RPH3A: variants seen among roughly 807,000 people sequenced by gnomAD.
RPH3A encodes the protein rabphilin-3A.
RPH3A carries 48 observed loss-of-function variants against 102.2 expected under a neutral mutation model. That is an observed-to-expected ratio of 0.47 (90% CI 0.37 to 0.60). RPH3A has a LOEUF of 0.60. RPH3A is among the 20% of genes least tolerant of loss of function. The probability of loss-of-function intolerance (pLI) is 0.00; values close to 1 mark genes in which losing one functional copy is unlikely to be tolerated. For synonymous variants in RPH3A, 310 were observed against 324.3 expected, an observed-to-expected ratio of 0.96 and a Z score of 0.47; for missense variants, 781 against 910.1, an observed-to-expected ratio of 0.86 and a Z score of 1.83.
intron 1 of RPH3A, among the ~76,000 whole-genome samples, chr12:112,586,461 G>C (rs1231776052): frequency 6.6e-6 from 1 of 152,078 alleles, no homozygotes; most frequent in African/African-American, 2.4e-5. Flanking sequence ...AGGGAGTAAG[G>C]CATGAGAAGA....
chr12:112,780,616 A>T (rs1185144295), intron 1 of RPH3A, among the ~76,000 whole-genome samples: 1 of 152,156 alleles, frequency 6.6e-6, no homozygotes, highest in Non-Finnish European at 1.5e-5. Context: ...TGTTGAACAC[A>T]TGCTATTTGC....
intron 2 of RPH3A, among the ~76,000 whole-genome samples, chr12:112,826,731 T>C (rs1593050056): frequency 6.6e-6 from 1 of 152,232 alleles, no homozygotes. Flanking sequence ...ACATAACATC[T>C]ATGGGTTCAT....
chr12:112,645,667 G>A (rs2039923936), intron 1 of RPH3A, among the ~76,000 whole-genome samples: 1 of 152,140 alleles, frequency 6.6e-6, no homozygotes, highest in African/African-American at 2.4e-5. Context: ...CATCCTTGGG[G>A]GTAAATCACA....
At chr12:112,861,203 T>A (rs1340716542) in intron 5 of RPH3A, among the ~76,000 whole-genome samples, 1 of 152,162 alleles carries the variant, frequency 6.6e-6, no homozygotes, top group Non-Finnish European at 1.5e-5. Context: ...CAACCACCAA[T>A]GCAACCCAAT....
chr12:112,616,649 C>G (rs957583035), intron 1 of RPH3A, among the ~76,000 whole-genome samples: 1 of 152,180 alleles, frequency 6.6e-6, no homozygotes, highest in Non-Finnish European at 1.5e-5. Flanking sequence ...GCAATGTGCT[C>G]AGGGCCACAC....
chr12:112,650,792 G>C (rs1418006044), intron 1 of RPH3A: 2 of 151,468 alleles, frequency 1.3e-5, no homozygotes, highest in Non-Finnish European at 1.5e-5. Flanking sequence ...TGCAGGAGCA[G>C]ATCATAGTTC....
In RPH3A at chr12:112,887,646, G is replaced by A. The variant is rs551274524; in HGVS notation, c.1437-151G>A. 105 of 854,292 alleles carry A rather than the reference G, an allele frequency of 1.2e-4. 2 individuals are homozygous for A. Among genetic ancestry groups the A allele is most frequent in the African/African-American group, 7.5e-4 (44 of 58,802 alleles). The allele number at this position is 854,292 out of a possible 1,614,324, so 52.9% of individuals were successfully genotyped here. A position where few individuals can be genotyped will look rare whatever the true frequency, so the allele number is the denominator to read the frequency against. ...ATACTGCAATAAAGAAGAAGTTAAA[G>A]GTACTTGGTCCAGTGATAAATAAAC... On this transcript the variant is annotated intron_variant, in intron 16 of 21. Coordinates refer to ENST00000389385, the MANE Select transcript of RPH3A (RefSeq NM_001143854.2).
At chr12:112,844,291 T>G (rs1256987253) in intron 4 of RPH3A, among the ~76,000 whole-genome samples, 1 of 152,146 alleles carries the variant, frequency 6.6e-6, no homozygotes, top group African/African-American at 2.4e-5. Context: ...CTTGTGGACT[T>G]GATGAAGGAA....
intron 4 of RPH3A, among the ~76,000 whole-genome samples, chr12:112,843,128 G>A (rs949840831): frequency 6.6e-6 from 1 of 152,184 alleles, no homozygotes; most frequent in African/African-American, 2.4e-5. Context: ...CTGCCATCCT[G>A]TATCCAGAAG....
chr12:112,835,425 T>G (rs1180730920), intron 3 of RPH3A, among the ~76,000 whole-genome samples: 2 of 152,234 alleles, frequency 1.3e-5, no homozygotes, highest in African/African-American at 2.4e-5. Context: ...TTAGTCGATA[T>G]GAAGCCAAAC....
At chr12:112,832,937 C>CTTT (rs71086121) in intron 3 of RPH3A, among the ~76,000 whole-genome samples, 7,635 of 131,642 alleles carry the variant, frequency 0.058, 441 homozygotes, top group Admixed American at 0.13. Context: ...TTATTTCACT[C>CTTT]TTTTTTTTTT....
At position 112,660,230 on chromosome 12, in the gene RPH3A, T is replaced by C. The variant is rs1239991179; in HGVS notation, c.-140+84911T>C. On this transcript the variant is annotated intron_variant, in intron 1 of 21. Coordinates refer to the RPH3A transcript ENST00000543106. Reference sequence around the variant, plus strand: ...ATATATATCAATGTACATCAGTCTATATATTGAAAACCATAGAACTCTAAT... The same window carrying C: ...ATATATATCAATGTACATCAGTCTACATATTGAAAACCATAGAACTCTAAT... Among the ~76,000 whole-genome samples, 5 of 152,332 alleles carry C rather than the reference T, an allele frequency of 3.3e-5. No homozygotes were observed. The East Asian group carries it at 9.6e-4, about 29-fold the overall frequency.
chr12:112,725,423 G>C (rs2040581163), intron 1 of RPH3A, among the ~76,000 whole-genome samples: 2 of 152,204 alleles, frequency 1.3e-5, no homozygotes, highest in Non-Finnish European at 2.9e-5. Flanking sequence ...GTGATGCCAA[G>C]TGGGAAAAAG....
rs543872425 is a variant in RPH3A, at chr12:112,638,855, A to G, written c.-140+63536A>G. Among the ~76,000 whole-genome samples, 16 of 152,326 alleles carry G rather than the reference A, an allele frequency of 1.1e-4. No homozygotes were observed. The South Asian group carries it at 2.5e-3, about 24-fold the overall frequency. Reference sequence around the variant, plus strand: ...CGAGATGATAGAGAAACTGCAATCTATCATCAGTGGAATAGGAGGATACTA... The same window carrying G: ...CGAGATGATAGAGAAACTGCAATCTGTCATCAGTGGAATAGGAGGATACTA... On this transcript the variant is annotated intron_variant, in intron 1 of 21. Coordinates refer to the RPH3A transcript ENST00000543106.
chr12:112,882,231 C>T (rs767684225), intron 15 of RPH3A, among the ~76,000 whole-genome samples: 1 of 152,178 alleles, frequency 6.6e-6, no homozygotes, highest in Non-Finnish European at 1.5e-5. Flanking sequence ...AAATGAGTGG[C>T]TCTCTCCAAA....
At chr12:112,761,088 C>A (rs1369910238) in intron 1 of RPH3A, among the ~76,000 whole-genome samples, 2 of 152,038 alleles carry the variant, frequency 1.3e-5, no homozygotes, top group East Asian at 1.9e-4. Context: ...GTATGAGGAA[C>A]CTTGGAATCT....
chr12:112,611,886 T>C (rs1243824621), intron 1 of RPH3A, among the ~76,000 whole-genome samples: 2 of 151,990 alleles, frequency 1.3e-5, no homozygotes, highest in Non-Finnish European at 2.9e-5. Flanking sequence ...CAGCCTGCAG[T>C]AGGGTAACTG....
intron 1 of RPH3A, among the ~76,000 whole-genome samples, chr12:112,732,111 T>C (rs1227086506): frequency 6.6e-6 from 1 of 152,212 alleles, no homozygotes; most frequent in Non-Finnish European, 1.5e-5. Context: ...CAAGCGTTTC[T>C]GGAGGCATGA....
At chr12:112,732,710 C>A (rs185274459) in intron 1 of RPH3A, among the ~76,000 whole-genome samples, 1 of 152,250 alleles carries the variant, frequency 6.6e-6, no homozygotes, top group East Asian at 1.9e-4. Flanking sequence ...CGAGAGGTGT[C>A]CTGAGTTGGT....
Sources: gnomAD v4.1 joint callset for allele counts (sites outside exome capture counted in the v4.1 genomes callset) on GRCh38, gnomAD v4.1.1 for gene constraint, MANE v1.5 for transcripts, NCBI Gene and HGNC (gene_info 2026-07-23, HGNC 2026-07-21) for gene names.